BICRA: variants seen among roughly 807,000 people sequenced by gnomAD.
The protein encoded by BICRA is BRD4 interacting chromatin remodeling complex associated protein, also known as BRD4-interacting chromatin-remodeling complex-associated protein.
BICRA carries 31 observed loss-of-function variants against 96.9 expected under a neutral mutation model. That is an observed-to-expected ratio of 0.32 (90% CI 0.24 to 0.43). The LOEUF is 0.43. Ranked by LOEUF, BICRA falls within the 20% of genes least tolerant of loss-of-function variation. BICRA has a pLI of 1.00. For missense variants in BICRA, 2,283 were observed against 2,190.3 expected (o/e 1.04, Z -0.84); for synonymous variants, 1,350 against 1,071.8 (o/e 1.26, Z -5.07).
intron 1 of BICRA, among the ~76,000 whole-genome samples, chr19:47,642,656 C>A (rs1287037760): frequency 2.0e-5 from 3 of 152,052 alleles, no homozygotes; most frequent in Non-Finnish European, 4.4e-5. Context: ...GAGCCAAGAT[C>A]ATGCTACTGC....
Position 47,679,743 on chromosome 19 carries a change from C to T in BICRA, c.573C>T (p.Ala191=). The stretch of plus-strand genomic sequence containing the variant: ...CGCCCCAGGACGTGGTCAACAAGGC[C>T]CTGAGTGTGCAGCCCTTCCTGCAGC... ...LVPPQDVVNK[A]LSVQPFLQPV... The change falls in exon 6 of 15, where the codon GCC becomes GCT. Residue 191 remains alanine, a synonymous_variant. Coordinates refer to ENST00000594866, the MANE Select transcript of BICRA (RefSeq NM_001394372.1). 6.5e-7 allele frequency: 1 copy of T among 1,535,048 alleles called. No homozygotes were observed.
chr19:47,695,601 T>G, intron 10 of BICRA, 127 bp downstream of exon 10: 2 of 619,860 alleles, frequency 3.2e-6, no homozygotes, highest in Non-Finnish European at 5.9e-6. Flanking sequence ...ATCAGGCAGC[T>G]GAGACACCAC....
intron 1 of BICRA, among the ~76,000 whole-genome samples, chr19:47,620,747 C>T (rs1199517584): frequency 3.3e-5 from 5 of 151,500 alleles, no homozygotes; most frequent in Non-Finnish European, 7.4e-5. Flanking sequence ...AAATGACCAT[C>T]CCTGGGCTCC....
At chr19:47,610,272 C>A (rs562982720) in intron 1 of BICRA, among the ~76,000 whole-genome samples, 1 of 152,312 alleles carries the variant, frequency 6.6e-6, no homozygotes, top group East Asian at 1.9e-4. Flanking sequence ...TCCCCGACTC[C>A]TGTCACGGGC....
chr19:47,609,211 ACT>A (rs1018981523), intron 1 of BICRA, 43 bp downstream of exon 1: 1 of 141,198 alleles, frequency 7.1e-6, no homozygotes, highest in Non-Finnish European at 1.5e-5. Context: ...AAATCTCTTA[ACT>A]CTCTCTACCT....
intron 1 of BICRA, among the ~76,000 whole-genome samples, chr19:47,653,670 G>T (rs1162157377): frequency 6.6e-6 from 1 of 152,206 alleles, no homozygotes; most frequent in East Asian, 1.9e-4. Context: ...GTTCATGCAT[G>T]TTGGAGCGTG....
intron 1 of BICRA, among the ~76,000 whole-genome samples, chr19:47,622,490 T>C (rs59518651): frequency 7.8e-5 from 11 of 141,836 alleles, no homozygotes; most frequent in East Asian, 4.5e-4. Context: ...TTTGGGAGGC[T>C]GAGGCGGGCA....
chr19:47,685,301 G>A (rs1973127507), intron 7 of BICRA, among the ~76,000 whole-genome samples: 1 of 152,142 alleles, frequency 6.6e-6, no homozygotes. Flanking sequence ...GATGACCTTT[G>A]AGAAGGAAGC....
In BICRA at chr19:47,698,593, C is replaced by A. The variant is rs367826721; in HGVS notation, c.3249-41C>A. On this transcript the variant is annotated intron_variant, in intron 11 of 14. Coordinates refer to ENST00000594866, the MANE Select transcript of BICRA (RefSeq NM_001394372.1). The surrounding 1 kb of genome is among the most constrained non-coding windows in gnomAD (Gnocchi z 4.8). ...TCCCCTGGCCCTCACCCGTCCCCCCCACCCTCCGCCGTGTGTGGTCTCTCC... is the reference window on the plus strand; with the variant it reads ...TCCCCTGGCCCTCACCCGTCCCCCCAACCCTCCGCCGTGTGTGGTCTCTCC... 64 of 896,582 alleles carry A rather than the reference C, an allele frequency of 7.1e-5. 1 individual carries two copies. Among genetic ancestry groups the A allele is most frequent in the Non-Finnish European group, 9.3e-5 (50 of 538,076 alleles). The allele number at this position is 896,582 out of a possible 1,614,324, so 55.5% of individuals were successfully genotyped here.
Position 47,701,131 on chromosome 19 carries a change from G to T in BICRA, c.3596-197G>T, listed in dbSNP as rs149385045. ...CCACGTGGCTCGTGGCGCTGTGCCA[G>T]GCACAGTGGTTTTAGAGTTGGGGGA... On this transcript the variant is annotated intron_variant, in intron 14 of 14. Transcript: ENST00000594866. This position sits in a 1 kb window ranked among gnomAD's most constrained non-coding sequence, Gnocchi z 5.4. 6 of 594,294 alleles carry T rather than the reference G, an allele frequency of 1.0e-5. No homozygotes were observed. Among genetic ancestry groups the T allele is most frequent in the Non-Finnish European group, 1.8e-5 (6 of 336,466 alleles). The allele number at this position is 594,294 out of a possible 1,614,324, so 36.8% of individuals were successfully genotyped here. A position where few individuals can be genotyped will look rare whatever the true frequency, so the allele number is the denominator to read the frequency against.
chr19:47,674,473 C>T (rs1260654486), intron 4 of BICRA, among the ~76,000 whole-genome samples: 1 of 152,104 alleles, frequency 6.6e-6, no homozygotes. Context: ...CTCTGAGCAG[C>T]TGTATTAGTA....
At chr19:47,674,301 A>C (rs1196735453) in intron 4 of BICRA, among the ~76,000 whole-genome samples, 1 of 87,044 alleles carries the variant, frequency 1.1e-5, no homozygotes, top group Admixed American at 1.3e-4. Flanking sequence ...GTAGTAGGTA[A>C]AAGTCACCAG....
At chr19:47,618,694 T>C (rs542392238) in intron 1 of BICRA, among the ~76,000 whole-genome samples, 2 of 152,326 alleles carry the variant, frequency 1.3e-5, no homozygotes, top group African/African-American at 2.4e-5. Flanking sequence ...CAGCCTCTTA[T>C]GTCCTCTGTG....
chr19:47,673,659 C>CTCCCT (rs746724443), intron 3 of BICRA, 44 bp downstream of exon 3: 2 of 1,530,746 alleles, frequency 1.3e-6, no homozygotes, highest in South Asian at 2.2e-5. Context: ...TCTCAACCCC[C>CTCCCT]TCCCTTCCCT....
intron 1 of BICRA, among the ~76,000 whole-genome samples, chr19:47,635,724 G>A (rs189970469): frequency 5.3e-5 from 8 of 152,084 alleles, no homozygotes; most frequent in Non-Finnish European, 1.2e-4. Flanking sequence ...TTTGTGTCTG[G>A]TTTATTTTAT....
chr19:47,680,608 G>A lies in BICRA; in HGVS notation c.1438G>A (p.Val480Ile), dbSNP rs200495302. The change falls in exon 6 of 15, where the codon GTC becomes ATC. Residue 480 changes from valine (V) to isoleucine (I), a missense_variant. By Grantham distance (29) the Val-to-Ile change is conservative. Coordinates refer to ENST00000594866, the MANE Select transcript of BICRA (RefSeq NM_001394372.1). ...NQFLLPGAPA[V>I]QLPQQLSALP... Reference sequence around the variant, plus strand: ...GTTCCTACTGCCTGGCGCCCCGGCGGTCCAGCTCCCGCAGCAGCTCTCAGC... The same window carrying A: ...GTTCCTACTGCCTGGCGCCCCGGCGATCCAGCTCCCGCAGCAGCTCTCAGC... 524 of 1,609,962 alleles carry A rather than the reference G, an allele frequency of 3.3e-4. No individual in the cohort carries two copies. The highest frequency in any genetic ancestry group is 4.0e-4 in the Non-Finnish European group (475 of 1,178,824).
At chr19:47,632,372 G>A (rs1643867699) in intron 1 of BICRA, among the ~76,000 whole-genome samples, 1 of 152,226 alleles carries the variant, frequency 6.6e-6, no homozygotes, top group Non-Finnish European at 1.5e-5. Flanking sequence ...AGTCAGCCTG[G>A]GGCTGGCTGC....
chr19:47,702,583 G>A lies in BICRA; in HGVS notation c.*168G>A. 1 of 787,764 alleles carries A rather than the reference G, an allele frequency of 1.3e-6. No homozygotes were observed. Among genetic ancestry groups the A allele is most frequent in the African/African-American group, 1.9e-5 (1 of 53,862 alleles). The allele number at this position is 787,764 out of a possible 1,614,324, so 48.8% of individuals were successfully genotyped here. ...CTTCCCTGCCGCCTGCTTCAGCTGG[G>A]TTGCTGGGGGGTGGGCGTGGATTTA... On this transcript the variant is annotated 3_prime_UTR_variant, in exon 15 of 15. Coordinates refer to ENST00000594866, the MANE Select transcript of BICRA (RefSeq NM_001394372.1).
intron 11 of BICRA, 26 bp downstream of exon 11, chr19:47,696,538 G>A (rs745996476): frequency 1.3e-6 from 2 of 1,581,518 alleles, no homozygotes; most frequent in Admixed American, 1.8e-5. Flanking sequence ...ATCCTTGCAT[G>A]CCTGCCCTGT....
Sources: gnomAD v4.1 joint callset for allele counts (sites outside exome capture counted in the v4.1 genomes callset) on GRCh38, gnomAD v4.1.1 for gene constraint, Gnocchi (gnomAD v3.1) non-coding constraint, MANE v1.5 for transcripts, NCBI Gene and HGNC (gene_info 2026-07-23, HGNC 2026-07-21) for gene names.